The following DIAPH2 variants were observed in gnomAD, a reference collection of about 807,000 sequenced individuals.
The protein encoded by DIAPH2 is protein diaphanous homolog 2.
In DIAPH2, 35 loss-of-function variants were observed where a neutral mutation model predicts 92.7. The ratio of observed to expected loss-of-function variants is 0.38; its 90% CI spans 0.29 to 0.50. The LOEUF is 0.50. Ranked by LOEUF, DIAPH2 falls within the 20% of genes least tolerant of loss-of-function variation. The pLI is 0.94. For synonymous variants in DIAPH2, 301 were observed against 280.4 expected, an observed-to-expected ratio of 1.07 and a Z score of -0.73; for missense variants, 701 against 819.5, an observed-to-expected ratio of 0.86 and a Z score of 1.77.
At position 97,236,614 on chromosome X, in the gene DIAPH2, G is replaced by A. The variant is rs2068049822; in HGVS notation, c.2720-11101G>A. On this transcript the variant is annotated intron_variant, in intron 22 of 26. Transcript: ENST00000324765. ...GGCTGGAGTGCAGTGGCACAATCTC[G>A]GCTCCCTGCAAGCTCCACCTCCCGG... Among the ~76,000 whole-genome samples, 4 of 99,404 alleles carry A rather than the reference G, an allele frequency of 4.0e-5. 1 individual carries two copies. The highest frequency in any genetic ancestry group is 2.3e-4 in the Admixed American group (2 of 8,558). 86.3% of individuals were successfully genotyped at this position (99,404 alleles called of 115,157 possible). A position where few individuals can be genotyped will look rare whatever the true frequency, so the allele number is the denominator to read the frequency against.
intron 23 of DIAPH2, among the ~76,000 whole-genome samples, chrX:97,262,457 T>C (rs2068296664): frequency 8.9e-6 from 1 of 112,154 alleles, no homozygotes; most frequent in African/African-American, 3.2e-5. Flanking sequence ...GACCAGTGGC[T>C]GGATTGCAGC....
At chrX:97,292,692 A>C (rs2147614662) in intron 23 of DIAPH2, among the ~76,000 whole-genome samples, 1 of 109,986 alleles carries the variant, frequency 9.1e-6, no homozygotes, top group Non-Finnish European at 1.9e-5. Context: ...GACTACAGGG[A>C]TGTGCCACCA....
At chrX:97,080,995 A>G (rs2066739508) in intron 19 of DIAPH2, among the ~76,000 whole-genome samples, 1 of 112,093 alleles carries the variant, frequency 8.9e-6, no homozygotes, top group Admixed American at 9.5e-5. Context: ...GACTACAAGT[A>G]TGTCAATTAA....
intron 26 of DIAPH2, among the ~76,000 whole-genome samples, chrX:97,473,699 G>A (rs979423589): frequency 2.7e-5 from 3 of 112,289 alleles, no homozygotes; most frequent in Non-Finnish European, 3.8e-5. Flanking sequence ...AGTGGCTCAC[G>A]CCTGTAATCC....
intron 4 of DIAPH2, among the ~76,000 whole-genome samples, chrX:96,836,913 G>T (rs972923413): frequency 2.0e-5 from 2 of 100,333 alleles, no homozygotes; most frequent in Admixed American, 2.2e-4. Context: ...ATTTTTAGTA[G>T]AGACGGGGTT....
intron 21 of DIAPH2, among the ~76,000 whole-genome samples, chrX:97,124,666 T>G (rs1169303954): frequency 8.9e-6 from 1 of 111,900 alleles, no homozygotes; most frequent in Non-Finnish European, 1.9e-5. Flanking sequence ...TGTTAAAATT[T>G]TCTGTTGCCT....
chrX:97,417,029 G>A lies in DIAPH2; in HGVS notation c.3146-12621G>A. Among the ~76,000 whole-genome samples, 4 of 111,818 alleles carry A rather than the reference G, an allele frequency of 3.6e-5. No homozygotes were observed. In the South Asian group the frequency reaches 1.5e-3, roughly 42 times the overall value. On this transcript the variant is annotated intron_variant, in intron 25 of 26. Coordinates refer to ENST00000324765, the MANE Select transcript of DIAPH2 (RefSeq NM_006729.5). The stretch of plus-strand genomic sequence containing the variant: ...GGGAAACACTTTGAAGCATATGTAA[G>A]ATTAATAATTAAACTACAACCAGAA...
At chrX:96,763,866 A>G (rs1234527891) in intron 4 of DIAPH2, among the ~76,000 whole-genome samples, 1 of 110,873 alleles carries the variant, frequency 9.0e-6, no homozygotes, top group Non-Finnish European at 1.9e-5. Context: ...GTGGTAGGAA[A>G]CATTATCTTT....
intron 26 of DIAPH2, among the ~76,000 whole-genome samples, chrX:97,478,678 C>A (rs2070628434): frequency 8.9e-6 from 1 of 111,915 alleles, no homozygotes; most frequent in Non-Finnish European, 1.9e-5. Flanking sequence ...AAGGAGTAAG[C>A]CTATCCCCAT....
intron 23 of DIAPH2, among the ~76,000 whole-genome samples, chrX:97,334,692 A>C (rs140654949): frequency 0.027 from 2,957 of 108,166 alleles, 25 homozygotes; most frequent in Middle Eastern, 0.092. Context: ...CAAAACAAAA[A>C]AAAAAACAGA....
intron 25 of DIAPH2, among the ~76,000 whole-genome samples, chrX:97,429,079 C>T (rs1189094769): frequency 3.6e-5 from 4 of 111,771 alleles, no homozygotes; most frequent in Non-Finnish European, 7.5e-5. Flanking sequence ...AAAATGTGGC[C>T]TTTCAGATAA....
In DIAPH2 at chrX:97,312,123, G is replaced by A. The variant is rs760503146; in HGVS notation, c.2845-35993G>A. ...GATTACAGGCGTGAGCCACCATGCC[G>A]GCCTATCATCTTTGTTTTAAACTAT... is the stretch of plus-strand genomic sequence containing the variant. On this transcript the variant is annotated intron_variant, in intron 23 of 26. Transcript: ENST00000324765. 2.7e-5 allele frequency among the ~76,000 whole-genome samples: 3 copies of A among 109,843 alleles called. No individual in the cohort carries two copies. In the South Asian group the frequency reaches 1.2e-3, roughly 43 times the overall value.
At chrX:97,046,155 C>A (rs746879742) in intron 17 of DIAPH2, among the ~76,000 whole-genome samples, 4 of 106,418 alleles carry the variant, frequency 3.8e-5, no homozygotes, top group East Asian at 2.9e-4. Context: ...CCGTGCCCAG[C>A]CTATTTTATG....
At chrX:97,273,636 G>A (rs748768687) in intron 23 of DIAPH2, among the ~76,000 whole-genome samples, 12 of 111,980 alleles carry the variant, frequency 1.1e-4, no homozygotes, top group East Asian at 8.4e-4. Context: ...TACATTTACC[G>A]TCAACTAAAT....
chrX:97,219,391 A>G (rs1348892691), intron 22 of DIAPH2, among the ~76,000 whole-genome samples: 1 of 111,941 alleles, frequency 8.9e-6, no homozygotes, highest in Non-Finnish European at 1.9e-5. Flanking sequence ...TTAAATGTAA[A>G]TTGTTGACTC....
At chrX:97,435,913 T>C (rs1400736685) in intron 26 of DIAPH2, among the ~76,000 whole-genome samples, 2 of 108,139 alleles carry the variant, frequency 1.8e-5, no homozygotes, top group Non-Finnish European at 3.8e-5. Flanking sequence ...GTTCATGCCA[T>C]TCTCTTGCCT....
chrX:96,882,110 G>A (rs1442178887), intron 5 of DIAPH2, among the ~76,000 whole-genome samples: 1 of 109,486 alleles, frequency 9.1e-6, no homozygotes, highest in Non-Finnish European at 1.9e-5. Flanking sequence ...GAGTGCAGTG[G>A]CACGATCTTG....
intron 21 of DIAPH2, among the ~76,000 whole-genome samples, chrX:97,118,107 G>A (rs997277793): frequency 2.7e-5 from 3 of 111,481 alleles, no homozygotes; most frequent in Non-Finnish European, 5.6e-5. Context: ...GACTCTGCCT[G>A]ATTCAAGCAA....
At chrX:97,303,490 G>A (rs1056781472) in intron 23 of DIAPH2, among the ~76,000 whole-genome samples, 2 of 111,862 alleles carry the variant, frequency 1.8e-5, no homozygotes, top group African/African-American at 6.5e-5. Context: ...CAAGAAAGAA[G>A]GTTATGATAT....
Sources: gnomAD v4.1 joint callset for allele counts (sites outside exome capture counted in the v4.1 genomes callset) on GRCh38, gnomAD v4.1.1 for gene constraint, MANE v1.5 for transcripts, NCBI Gene and HGNC (gene_info 2026-07-23, HGNC 2026-07-21) for gene names.